The following MAP4 variants were observed in gnomAD, a reference collection of about 807,000 sequenced individuals.
MAP4 encodes the protein microtubule-associated protein 4.
MAP4 carries 76 observed loss-of-function variants against 170.2 expected under a neutral mutation model. The observed-to-expected ratio is 0.45, with a 90% CI of 0.37 to 0.54. MAP4 has a LOEUF of 0.54. MAP4 is among the 20% of genes least tolerant of loss of function. MAP4 has a pLI of 0.00. For synonymous variants in MAP4, 909 were observed against 994.5 expected (o/e 0.91, Z 1.62); for missense variants, 2,506 against 2,748.0 (o/e 0.91, Z 1.97).
intron 1 of MAP4, among the ~76,000 whole-genome samples, chr3:48,085,191 TAAAA>T (rs896066878): frequency 1.0e-5 from 1 of 98,844 alleles, no homozygotes; most frequent in Non-Finnish European, 2.1e-5. Flanking sequence ...GCTTAATCTT[TAAAA>T]AAAAAAAAAA....
chr3:47,887,039 TGCTG>T (rs2097706582), intron 10 of MAP4, among the ~76,000 whole-genome samples: 1 of 152,244 alleles, frequency 6.6e-6, no homozygotes, highest in Non-Finnish European at 1.5e-5. Flanking sequence ...GGTGACAGCG[TGCTG>T]GCAGTCCTCA....
At chr3:48,044,106 A>C (rs1222272590) in intron 1 of MAP4, among the ~76,000 whole-genome samples, 1 of 150,884 alleles carries the variant, frequency 6.6e-6, no homozygotes, top group Non-Finnish European at 1.5e-5. Flanking sequence ...AGCCTCCCAA[A>C]GTGCTGGGAG....
At chr3:47,939,597 C>T (rs1051230754) in intron 3 of MAP4, among the ~76,000 whole-genome samples, 1 of 151,352 alleles carries the variant, frequency 6.6e-6, no homozygotes, top group Non-Finnish European at 1.5e-5. Context: ...TTTAAAAAAG[C>T]ATAAGGAATT....
chr3:48,009,364 G>T (rs1423576037), intron 1 of MAP4, among the ~76,000 whole-genome samples: 1 of 152,166 alleles, frequency 6.6e-6, no homozygotes, highest in Non-Finnish European at 1.5e-5. Flanking sequence ...GCCTCCCAAA[G>T]TGCTGGGATT....
chr3:48,087,743 GCGCACA>G (rs58863635), intron 1 of MAP4, among the ~76,000 whole-genome samples: 5,033 of 67,970 alleles, frequency 0.074, 94 homozygotes, highest in African/African-American at 0.1. Flanking sequence ...ACACACGCAC[GCGCACA>G]CACACACACA....
chr3:47,955,435 T>TACGTACAC (rs1491559256), intron 3 of MAP4, among the ~76,000 whole-genome samples: 6 of 135,398 alleles, frequency 4.4e-5, no homozygotes, highest in African/African-American at 1.7e-4. Context: ...AATAAGCACG[T>TACGTACAC]ACACACACAC....
chr3:47,855,474 G>A lies in MAP4; in HGVS notation c.6584-114C>T. 1.4e-6 allele frequency: 1 copy of A among 714,936 alleles called. No individual in the cohort carries two copies. The highest frequency in any genetic ancestry group is 2.6e-6 in the Non-Finnish European group (1 of 390,274). 44.3% of individuals were successfully genotyped at this position (714,936 alleles called of 1,614,324 possible). ...ATGAGACAGACGTGACCTGTTCTGG[G>A]TGGCAAATGAAGAACAGTGAACACG... On this transcript the variant is annotated intron_variant, in intron 18 of 20. Transcript: ENST00000683076. This position sits in a 1 kb window ranked among gnomAD's most constrained non-coding sequence, Gnocchi z 5.1.
intron 3 of MAP4, among the ~76,000 whole-genome samples, chr3:47,937,913 CA>C (rs1197047250): frequency 6.6e-6 from 1 of 150,846 alleles, no homozygotes; most frequent in African/African-American, 2.4e-5. Context: ...CCGCCCGCCT[CA>C]GTCTCCCAAA....
At chr3:48,052,487 G>A (rs980196886) in intron 1 of MAP4, among the ~76,000 whole-genome samples, 1 of 152,190 alleles carries the variant, frequency 6.6e-6, no homozygotes, top group African/African-American at 2.4e-5. Flanking sequence ...ATCCCAAAGT[G>A]CTGGGATTAC....
Position 47,873,457 on chromosome 3 carries a change from G to A in MAP4, c.5758-1357C>T, listed in dbSNP as rs922930746. Reference sequence around the variant, plus strand: ...AAGAGAAGTGGCTATAAAGAGGGCAGTATGTAGGTAGCGACAAGCAGGATA... The same window carrying A: ...AAGAGAAGTGGCTATAAAGAGGGCAATATGTAGGTAGCGACAAGCAGGATA... On this transcript the variant is annotated intron_variant, in intron 12 of 20. Transcript: ENST00000683076. Among the ~76,000 whole-genome samples the A allele has an allele frequency of 3.3e-5, 5 of 152,210 alleles. No individual in the cohort carries two copies. In the East Asian group the frequency reaches 5.8e-4, roughly 18 times the overall value.
intron 4 of MAP4, among the ~76,000 whole-genome samples, chr3:47,924,753 T>C (rs1327273064): frequency 6.6e-6 from 1 of 152,170 alleles, no homozygotes; most frequent in East Asian, 1.9e-4. Flanking sequence ...TGTGTGCCTC[T>C]CTATATCAGC....
At chr3:47,886,103 A>T (rs2097550816) in intron 10 of MAP4, among the ~76,000 whole-genome samples, 1 of 152,222 alleles carries the variant, frequency 6.6e-6, no homozygotes, top group African/African-American at 2.4e-5. Context: ...AGACCACTAT[A>T]AATATTTTTC....
chr3:47,988,994 T>C (rs575612256), intron 2 of MAP4, among the ~76,000 whole-genome samples: 27 of 152,270 alleles, frequency 1.8e-4, no homozygotes, highest in African/African-American at 6.5e-4. Context: ...GTATTTTTAG[T>C]AGAGATGAGA....
At chr3:48,082,211 T>C (rs1246606880) in intron 1 of MAP4, among the ~76,000 whole-genome samples, 1 of 152,136 alleles carries the variant, frequency 6.6e-6, no homozygotes, top group Non-Finnish European at 1.5e-5. Context: ...AATAATATAA[T>C]CAACGCTGCC....
At chr3:47,996,737 G>GACACACACAC (rs57673370) in intron 2 of MAP4, among the ~76,000 whole-genome samples, 4,692 of 146,496 alleles carry the variant, frequency 0.032, 272 homozygotes, top group African/African-American at 0.11. Flanking sequence ...CAAAAACTAA[G>GACACACACAC]ACACACACAC....
At chr3:47,863,204 G>A (rs868163463) in intron 17 of MAP4, among the ~76,000 whole-genome samples, 2 of 152,256 alleles carry the variant, frequency 1.3e-5, no homozygotes, top group Middle Eastern at 3.4e-3. Flanking sequence ...TTGAACTCCC[G>A]ACCTCAGGTG....
intron 1 of MAP4, among the ~76,000 whole-genome samples, chr3:48,022,262 C>T (rs1371695459): frequency 6.6e-6 from 1 of 151,560 alleles, no homozygotes; most frequent in Non-Finnish European, 1.5e-5. Flanking sequence ...ATGAAGAAAA[C>T]GAACAGACAA....
At chr3:47,936,491 T>C (rs2100052924) in intron 3 of MAP4, among the ~76,000 whole-genome samples, 1 of 151,538 alleles carries the variant, frequency 6.6e-6, no homozygotes, top group South Asian at 2.1e-4. Context: ...TCAGGTATTA[T>C]TCTAAAACCC....
chr3:48,027,698 T>C (rs1000461004), intron 1 of MAP4, among the ~76,000 whole-genome samples: 3 of 151,768 alleles, frequency 2.0e-5, no homozygotes, highest in Non-Finnish European at 2.9e-5. Context: ...TAAAAAAAAT[T>C]AGCCGAGCAT....
Sources: allele counts gnomAD v4.1 joint callset (sites outside exome capture counted in the v4.1 genomes callset), GRCh38; gene constraint gnomAD v4.1.1; non-coding constraint Gnocchi (gnomAD v3.1); transcripts MANE v1.5; gene names NCBI Gene and HGNC (gene_info 2026-07-23, HGNC 2026-07-21).